PODNL1: variants seen among roughly 807,000 people sequenced by gnomAD.
The protein encoded by PODNL1 is podocan like 1.
A neutral mutation model predicts 45.1 loss-of-function variants in PODNL1; 50 were observed. The ratio of observed to expected loss-of-function variants is 1.11; its 90% CI spans 0.88 to 1.40. The LOEUF (loss-of-function observed/expected upper bound fraction) is 1.40. Ranked by LOEUF, PODNL1 falls within the 40% of genes most tolerant of loss-of-function variation. The pLI is 0.00. For synonymous variants in PODNL1, 406 were observed against 372.5 expected (o/e 1.09, Z -1.04); for missense variants, 788 against 793.3 (o/e 0.99, Z 0.08).
Position 13,932,877 on chromosome 19 carries a change from C to T in PODNL1, c.1346G>A (p.Arg449Gln), listed in dbSNP as rs768175871. ...PEPLAGLDQL[R>Q]ELSLAHNRLR... Reference sequence around the variant, plus strand: ...CCGGTTGTGCGCCAGGCTGAGCTCCCGCAGTTGGTCCAGGCCGGCCAGAGG... The same window carrying T: ...CCGGTTGTGCGCCAGGCTGAGCTCCTGCAGTTGGTCCAGGCCGGCCAGAGG... The change falls in exon 8 of 10, where the codon CGG becomes CAG. Residue 449 changes from arginine to glutamine, a missense_variant. Transcript: ENST00000588872. 36 of 1,608,646 alleles carry T rather than the reference C, an allele frequency of 2.2e-5. No homozygotes were observed. The highest frequency in any genetic ancestry group is 1.5e-4 in the South Asian group (14 of 90,676).
chr19:13,934,519 G>C, intron 5 of PODNL1, 109 bp from the exon 6 acceptor site: 1 of 1,110,082 alleles, frequency 9.0e-7, no homozygotes. Context: ...GTGTGTGTGT[G>C]TGTGTGTGCG....
chr19:13,942,350 T>A (rs1599445498), upstream of PODNL1, among the ~76,000 whole-genome samples: 1 of 152,262 alleles, frequency 6.6e-6, no homozygotes, highest in Admixed American at 6.5e-5. Context: ...TAAGCATTCT[T>A]CCCTGGCTTT....
At chr19:13,946,182 A>C (rs1280504426) in intron 1 of PODNL1, among the ~76,000 whole-genome samples, 1 of 152,158 alleles carries the variant, frequency 6.6e-6, no homozygotes, top group Non-Finnish European at 1.5e-5. Flanking sequence ...CTGTAATCCT[A>C]GCACTTTGGG....
chr19:13,934,985 C>T lies in PODNL1; in HGVS notation c.495-575G>A, dbSNP rs113798799. Among the ~76,000 whole-genome samples, 429 of 148,838 alleles carry T rather than the reference C, an allele frequency of 2.9e-3. 1 individual carries two copies. The highest frequency in any genetic ancestry group is 9.5e-3 in the African/African-American group (383 of 40,280). ...GTGTGCTTGTGTGTGCATGTGATTG[C>T]GTGTGCATGCATGAGTGTGTGCCTG... On this transcript the variant is annotated intron_variant, in intron 5 of 9. Coordinates refer to ENST00000588872, the MANE Select transcript of PODNL1 (RefSeq NM_001370095.3).
At chr19:13,932,583 T>C (rs1972022009) in intron 8 of PODNL1, 8 of 1,324,750 alleles carry the variant, frequency 6.0e-6, no homozygotes, top group African/African-American at 1.5e-5. Flanking sequence ...CTCAAACCCA[T>C]AGCCTAAAGC....
Position 13,933,199 on chromosome 19 carries a change from G to A in PODNL1, c.1024C>T (p.Leu342=), listed in dbSNP as rs79400921. ...LHTLHLYGNG[L]DRVPPALPRR... ...GGCAGGGCTGGAGGCACGCGGTCCA[G>A]CCCATTGCCATAGAGGTGCAGCGTG... is the stretch of plus-strand genomic sequence containing the variant. The change falls in exon 8 of 10, where the codon CTG becomes TTG. Residue 342 remains leucine (L), a synonymous_variant. Transcript: ENST00000588872. This position sits in a 1 kb window ranked among gnomAD's most constrained non-coding sequence, Gnocchi z 5.2. 1,044 of 1,536,926 alleles carry A rather than the reference G, an allele frequency of 6.8e-4. 10 individuals carry two copies. In the African/African-American group the frequency reaches 0.013, roughly 19 times the overall value.
At chr19:13,953,259 C>T (rs1482208169) in exon 1 of PODNL1, 1 of 965,476 alleles carries the variant, frequency 1.0e-6, no homozygotes, top group Non-Finnish European at 1.5e-6. Flanking sequence ...ATGTCTCTCT[C>T]CCCCATCAGT....
upstream of PODNL1, among the ~76,000 whole-genome samples, chr19:13,941,714 G>A (rs1401945852): frequency 6.6e-6 from 1 of 152,014 alleles, no homozygotes; most frequent in Non-Finnish European, 1.5e-5. Flanking sequence ...TTGGGAGGCT[G>A]AGGCAGGAGA....
rs771139697 is a variant in PODNL1, at chr19:13,937,956, G to A, written c.54C>T (p.Ala18=). ...LLLLPGPPPV[A]GLEDAAFPHL... ...GGGGGAAGGCAGCGTCTTCCAAGCC[G>A]GCGACGGGCGGGGGCCCCGGCAACA... The change falls in exon 2 of 10, where the codon GCC becomes GCT. Residue 18 remains alanine (A), a synonymous_variant. Coordinates refer to ENST00000588872, the MANE Select transcript of PODNL1 (RefSeq NM_001370095.3). 2.0e-5 allele frequency: 31 copies of A among 1,543,076 alleles called. No individual in the cohort carries two copies. The highest frequency in any genetic ancestry group is 3.9e-5 in the Admixed American group (2 of 50,720).
chr19:13,948,661 T>C (rs1227028211), intron 1 of PODNL1, among the ~76,000 whole-genome samples: 1 of 143,710 alleles, frequency 7.0e-6, no homozygotes, highest in Admixed American at 7.0e-5. Flanking sequence ...CCGGGTGTGG[T>C]GGCTCACGCC....
At chr19:13,932,171 G>C in intron 8 of PODNL1, 59 bp from the exon 9 acceptor site, 1 of 1,235,922 alleles carries the variant, frequency 8.1e-7, no homozygotes, top group Non-Finnish European at 1.0e-6. Context: ...ACTCAGCTCA[G>C]CCAGCCCCCA....
chr19:13,939,016 T>TGG (rs1234863434), upstream of PODNL1, among the ~76,000 whole-genome samples: 1 of 152,114 alleles, frequency 6.6e-6, no homozygotes, highest in Non-Finnish European at 1.5e-5. Flanking sequence ...CACCCGTGGA[T>TGG]GGGGGTGACA....
chr19:13,944,064 G>C lies in PODNL1; in HGVS notation c.19-6058C>G, dbSNP rs971720461. Among the ~76,000 whole-genome samples, 3 of 152,048 alleles carry C rather than the reference G, an allele frequency of 2.0e-5. No homozygotes were observed. The East Asian group carries it at 5.8e-4, about 29-fold the overall frequency. ...AAAACATACATATTGGCTAGCTCTGGGGGGAGACCTGAATGCTTGTGGCTG... is the reference window on the plus strand; with the variant it reads ...AAAACATACATATTGGCTAGCTCTGCGGGGAGACCTGAATGCTTGTGGCTG... On this transcript the variant is annotated intron_variant, in intron 1 of 7. Transcript: ENST00000538371.
chr19:13,938,439 A>G (rs2145444099), upstream of PODNL1: 1 of 1,286,288 alleles, frequency 7.8e-7, no homozygotes, highest in East Asian at 3.0e-5. Context: ...CCCCCCCAAC[A>G]ACCACCCCAT....
In PODNL1 at chr19:13,950,603, C is replaced by T. The variant is rs527487559; in HGVS notation, c.18+2516G>A. ...TCCTCCCTATCACATAGCTGGGGTC[C>T]GTGATGTCAGTATGACTTATCACTG... On this transcript the variant is annotated intron_variant, in intron 1 of 7. Transcript: ENST00000538371. 3.3e-5 allele frequency among the ~76,000 whole-genome samples: 5 copies of T among 152,230 alleles called. No homozygotes were observed. The South Asian group carries it at 8.3e-4, about 25-fold the overall frequency.
chr19:13,931,586 CCT>C lies in PODNL1; in HGVS notation c.*149_*150del. The C allele has an allele frequency of 1.2e-6, 1 of 829,212 alleles. No individual in the cohort carries two copies. Among genetic ancestry groups the C allele is most frequent in the Non-Finnish European group, 1.6e-6 (1 of 621,068 alleles). 51.4% of individuals were successfully genotyped at this position (829,212 alleles called of 1,614,324 possible). ...GAGCCTGGAGTATGCCAGCTGTGTG[CCT>C]CTGTGTCTCGGCCAGTGGCAGGCAG... On this transcript the variant is annotated 3_prime_UTR_variant, in exon 10 of 10. Coordinates refer to ENST00000588872, the MANE Select transcript of PODNL1 (RefSeq NM_001370095.3).
At chr19:13,948,994 T>G (rs1432674231) in intron 1 of PODNL1, among the ~76,000 whole-genome samples, 2 of 151,544 alleles carry the variant, frequency 1.3e-5, no homozygotes, top group African/African-American at 4.8e-5. Context: ...TAGAGTTTAT[T>G]TATGTGTTTA....
rs761916783 is a variant in PODNL1 at position 13,934,277 on chromosome 19, AGGGCGGCAGGCT to A, written c.616_627del (p.Pro208_Leu211del). 7.9e-6 allele frequency: 12 copies of A among 1,523,978 alleles called. No homozygotes were observed. Among genetic ancestry groups the A allele is most frequent in the East Asian group, 4.6e-5 (2 of 43,304 alleles). The allele number at this position is 1,523,978 out of a possible 1,614,324, so 94.4% of individuals were successfully genotyped here. A position where few individuals can be genotyped will look rare whatever the true frequency, so the allele number is the denominator to read the frequency against. Reference sequence around the variant, plus strand: ...ACCTGCAGGTGGAGCCGCTCGAGTGAGGGCGGCAGGCTGGGCGGCAGGTAGCTGAGCTGGTTG... The same window carrying A: ...ACCTGCAGGTGGAGCCGCTCGAGTGAGGGCGGCAGGTAGCTGAGCTGGTTG... On this transcript the variant is annotated inframe_deletion, in exon 6 of 10. Transcript: ENST00000588872.
chr19:13,948,491 T>C (rs949823409), intron 1 of PODNL1, among the ~76,000 whole-genome samples: 3 of 148,618 alleles, frequency 2.0e-5, no homozygotes, highest in Non-Finnish European at 4.5e-5. Flanking sequence ...GGATTACAGG[T>C]GTGAGCCACC....
Sources: gnomAD v4.1 joint callset for allele counts (sites outside exome capture counted in the v4.1 genomes callset) on GRCh38, gnomAD v4.1.1 for gene constraint, Gnocchi (gnomAD v3.1) non-coding constraint, MANE v1.5 for transcripts, NCBI Gene and HGNC (gene_info 2026-07-23, HGNC 2026-07-21) for gene names.